The following PRDM5 variants were observed in gnomAD, a reference collection of about 807,000 sequenced individuals.
PRDM5 encodes PR domain zinc finger protein 5.
PRDM5 carries 56 observed loss-of-function variants against 81.2 expected under a neutral mutation model. The ratio of observed to expected loss-of-function variants is 0.69; its 90% CI spans 0.56 to 0.86. The LOEUF (loss-of-function observed/expected upper bound fraction) is 0.86, where lower values mean the gene tolerates loss of function less well. Among genes scored for constraint, PRDM5 ranks in the 40% least tolerant of loss-of-function variants. The probability of loss-of-function intolerance (pLI) is 0.00; values close to 1 mark genes in which losing one functional copy is unlikely to be tolerated. For missense variants in PRDM5, 697 were observed against 770.1 expected, an observed-to-expected ratio of 0.91 and a Z score of 1.12; for synonymous variants, 267 against 256.4, an observed-to-expected ratio of 1.04 and a Z score of -0.39.
At chr4:120,858,879 G>T (rs1385629486) in intron 2 of PRDM5, among the ~76,000 whole-genome samples, 1 of 152,176 alleles carries the variant, frequency 6.6e-6, no homozygotes, top group African/African-American at 2.4e-5. Context: ...TCATTCTGGA[G>T]TGGTAAAGAT....
At chr4:120,749,921 G>A (rs1018845697) in intron 14 of PRDM5, among the ~76,000 whole-genome samples, 2 of 152,084 alleles carry the variant, frequency 1.3e-5, no homozygotes, top group African/African-American at 4.8e-5. Context: ...AAGATATGAG[G>A]TGGAGCTCAC....
At chr4:120,705,062 T>C (rs182853581) in intron 15 of PRDM5, among the ~76,000 whole-genome samples, 1 of 152,252 alleles carries the variant, frequency 6.6e-6, no homozygotes, top group Admixed American at 6.5e-5. Context: ...GGATTCTAAA[T>C]AGAGACTGAA....
chr4:120,712,525 T>C (rs1446071790), intron 14 of PRDM5, among the ~76,000 whole-genome samples: 1 of 152,068 alleles, frequency 6.6e-6, no homozygotes, highest in African/African-American at 2.4e-5. Flanking sequence ...CCTGCAGCAC[T>C]CTCCCATCTC....
chr4:120,889,561 T>C (rs531401502), intron 2 of PRDM5, among the ~76,000 whole-genome samples: 25 of 152,338 alleles, frequency 1.6e-4, no homozygotes, highest in Middle Eastern at 6.8e-3. Context: ...CCAGGATTTT[T>C]ATGGAGATTG....
chr4:120,882,438 G>C (rs565753762), intron 2 of PRDM5, among the ~76,000 whole-genome samples: 1 of 152,096 alleles, frequency 6.6e-6, no homozygotes, highest in Non-Finnish European at 1.5e-5. Flanking sequence ...GTGAACCACC[G>C]CACCTGGCCA....
intron 14 of PRDM5, among the ~76,000 whole-genome samples, chr4:120,727,500 T>G (rs1739600473): frequency 6.6e-6 from 1 of 152,162 alleles, no homozygotes; most frequent in Admixed American, 6.5e-5. Flanking sequence ...TCCAGAATAT[T>G]TGAGACTTGG....
intron 2 of PRDM5, among the ~76,000 whole-genome samples, chr4:120,859,033 A>C (rs549768687): frequency 6.6e-6 from 1 of 152,276 alleles, no homozygotes; most frequent in African/African-American, 2.4e-5. Context: ...AAATTCACAG[A>C]ACCTGTGAGA....
chr4:120,745,537 C>T (rs1277418471), intron 14 of PRDM5, among the ~76,000 whole-genome samples: 2,612 of 144,252 alleles, frequency 0.018, 32 homozygotes, highest in African/African-American at 0.049. Flanking sequence ...AAAACCCCAT[C>T]GTCTCAGCCC....
chr4:120,712,402 T>G (rs920250097), intron 14 of PRDM5, among the ~76,000 whole-genome samples: 1 of 152,162 alleles, frequency 6.6e-6, no homozygotes, highest in African/African-American at 2.4e-5. Context: ...TTTGCAGACC[T>G]ATAAAAAACA....
At chr4:120,717,088 C>T (rs1038639472) in intron 14 of PRDM5, among the ~76,000 whole-genome samples, 3 of 150,602 alleles carry the variant, frequency 2.0e-5, no homozygotes, top group Admixed American at 2.0e-4. Flanking sequence ...AACTTCATTG[C>T]CTCTAGAGCC....
chr4:120,804,415 T>C (rs575319045), intron 8 of PRDM5, among the ~76,000 whole-genome samples: 1 of 152,286 alleles, frequency 6.6e-6, no homozygotes, highest in African/African-American at 2.4e-5. Flanking sequence ...CAGCACCACA[T>C]TGCACTTATT....
intron 13 of PRDM5, among the ~76,000 whole-genome samples, chr4:120,760,093 G>A (rs756923699): frequency 1.3e-5 from 2 of 152,166 alleles, no homozygotes; most frequent in Non-Finnish European, 2.9e-5. Context: ...AGTGGAGGCC[G>A]AGTTTGAACC....
intron 3 of PRDM5, among the ~76,000 whole-genome samples, chr4:120,850,217 G>T (rs1417807571): frequency 1.3e-5 from 2 of 151,902 alleles, no homozygotes; most frequent in East Asian, 1.9e-4. Context: ...CCACTCCTGG[G>T]ATATACAGCT....
At chr4:120,754,732 G>C (rs555985255) in intron 13 of PRDM5, 94 bp from the exon 14 acceptor site, 2 of 858,130 alleles carry the variant, frequency 2.3e-6, no homozygotes, top group Non-Finnish European at 3.9e-6. Context: ...CCTGGCCACC[G>C]CATATGCCCT....
chr4:120,829,617 T>C (rs1756472660), intron 3 of PRDM5, among the ~76,000 whole-genome samples: 1 of 152,122 alleles, frequency 6.6e-6, no homozygotes, highest in African/African-American at 2.4e-5. Context: ...ATTTCAGCTG[T>C]ATCTGTATGT....
chr4:120,740,058 A>T (rs1280827234), intron 14 of PRDM5, among the ~76,000 whole-genome samples: 1 of 152,182 alleles, frequency 6.6e-6, no homozygotes, highest in Non-Finnish European at 1.5e-5. Context: ...AAGAATGCTC[A>T]ATTTCATGCA....
intron 3 of PRDM5, among the ~76,000 whole-genome samples, chr4:120,828,750 C>G (rs1756347601): frequency 6.6e-6 from 1 of 152,026 alleles, no homozygotes; most frequent in Non-Finnish European, 1.5e-5. Flanking sequence ...AGCTTACATT[C>G]CATTACCTAG....
At chr4:120,908,210 G>C (rs890106806) in intron 1 of PRDM5, among the ~76,000 whole-genome samples, 1 of 152,136 alleles carries the variant, frequency 6.6e-6, no homozygotes, top group South Asian at 2.1e-4. Context: ...CTACCCTGAC[G>C]GGACTTTTAA....
At chr4:120,799,987 G>C (rs908419783) in intron 8 of PRDM5, among the ~76,000 whole-genome samples, 7 of 152,070 alleles carry the variant, frequency 4.6e-5, no homozygotes, top group African/African-American at 1.7e-4. Context: ...TAATACAGCT[G>C]TCCTATTTAG....
Sources: gnomAD v4.1 joint callset for allele counts (sites outside exome capture counted in the v4.1 genomes callset) on GRCh38, gnomAD v4.1.1 for gene constraint, MANE v1.5 for transcripts, NCBI Gene and HGNC (gene_info 2026-07-23, HGNC 2026-07-21) for gene names.